The following ZNF880 variants were observed in gnomAD, a reference collection of about 807,000 sequenced individuals.
The protein encoded by ZNF880 is zinc finger protein LOC400713.
Under a neutral mutation model 11.8 loss-of-function variants are expected in ZNF880, and 12 were observed. The observed-to-expected ratio is 1.02, with a 90% CI of 0.65 to 1.65. ZNF880 has a LOEUF of 1.65. ZNF880 is among the 40% of genes most tolerant of loss of function. The probability of loss-of-function intolerance (pLI) is 0.00; values close to 1 mark genes in which losing one functional copy is unlikely to be tolerated. For synonymous variants in ZNF880, 210 were observed against 232.4 expected, an observed-to-expected ratio of 0.90 and a Z score of 0.88; for missense variants, 601 against 673.9, an observed-to-expected ratio of 0.89 and a Z score of 1.20.
intron 3 of ZNF880, among the ~76,000 whole-genome samples, chr19:52,375,973 A>G (rs1439340799): frequency 6.6e-6 from 1 of 152,146 alleles, no homozygotes; most frequent in African/African-American, 2.4e-5. Context: ...CTTCAATTCT[A>G]TCCAGGTTGC....
chr19:52,388,040 C>T (rs537560524), downstream of ZNF880, among the ~76,000 whole-genome samples: 9 of 133,158 alleles, frequency 6.8e-5, no homozygotes, highest in African/African-American at 1.2e-4. Context: ...CCACCACGCC[C>T]GGCTAATTTT....
At position 52,384,928 on chromosome 19, in the gene ZNF880, T is replaced by C; in HGVS notation, c.1348T>C (p.Ser450Pro). The change falls in exon 4 of 4, where the codon TCC becomes CCC. Residue 450 changes from serine to proline, a missense_variant. Around this residue, in one of 3 missense-constraint regions of ZNF880, gnomAD observed 177 missense variants for 214.5 expected, o/e 0.83. Transcript: ENST00000422689. ...TGCCAAGGTCTTCAGGCATAGATTA[T>C]CCCTAAGCAATCATCAGAGATTTCA... ...ECAKVFRHRL[S>P]LSNHQRFHTG... 6.3e-7 allele frequency: 1 copy of C among 1,591,672 alleles called. No individual in the cohort carries two copies. The highest frequency in any genetic ancestry group is 1.1e-5 in the South Asian group (1 of 88,128).
In ZNF880 at chr19:52,385,121, A is replaced by T; in HGVS notation, c.1541A>T (p.His514Leu). 6.4e-7 allele frequency: 1 copy of T among 1,558,360 alleles called. No homozygotes were observed. Residue 514 changes from histidine (H) to leucine (L), a missense_variant, in exon 4 of 4, where the codon CAT becomes CTT. His to Leu is a moderately conservative substitution (Grantham distance 99). Around this residue, in one of 3 missense-constraint regions of ZNF880, gnomAD observed 177 missense variants for 214.5 expected, o/e 0.83. Transcript: ENST00000422689. ...CACCTTGCACGACATAGGCAAATTCATACTGGAGAGAAGTCTTACAAATGC... is the reference window on the plus strand; with the variant it reads ...CACCTTGCACGACATAGGCAAATTCTTACTGGAGAGAAGTCTTACAAATGC... ...NSHLARHRQI[H>L]TGEKSYKCNE...
At chr19:52,395,211 C>A in the ZNF880 span, among the ~76,000 whole-genome samples, 1 of 152,190 alleles carries the variant, frequency 6.6e-6, no homozygotes. Flanking sequence ...CACACCCAGC[C>A]TGTCACTTTT....
upstream of ZNF880, chr19:52,369,866 A>G: frequency 1.4e-6 from 2 of 1,468,700 alleles, no homozygotes; most frequent in South Asian, 2.4e-5. Context: ...AGGGAAGCGC[A>G]GGCTCCGCCC....
intron 1 of ZNF880, chr19:52,370,285 G>C (rs1477471727): frequency 4.7e-6 from 2 of 424,914 alleles, no homozygotes; most frequent in Non-Finnish European, 8.6e-6. Context: ...TCACCCGCGA[G>C]ATGGATCCAC....
At chr19:52,383,732 G>A (rs1198068613) in intron 3 of ZNF880, 117 bp from the exon 4 acceptor site, 3 of 1,088,732 alleles carry the variant, frequency 2.8e-6, no homozygotes, top group South Asian at 1.6e-5. Flanking sequence ...GATACACACA[G>A]TATGCTGATA....
intron 3 of ZNF880, chr19:52,379,893 A>ATTT: frequency 8.9e-6 from 1 of 111,780 alleles, no homozygotes; most frequent in East Asian, 2.5e-4. Context: ...TGTCATACTT[A>ATTT]TTTTTTTTTT....
upstream of ZNF880, among the ~76,000 whole-genome samples, chr19:52,368,872 C>T (rs747170518): frequency 6.8e-6 from 1 of 148,080 alleles, no homozygotes; most frequent in Non-Finnish European, 1.5e-5. Context: ...GTCCCAGCTA[C>T]TTGGGAGGCT....
Position 52,384,165 on chromosome 19 carries a change from GTCTTC to G in ZNF880, c.586_590del (p.Ser196LysfsTer4), listed in dbSNP as rs1568664699. Reference sequence around the variant, plus strand: ...ATGAGCATGGCAAAGCCTTTAGAGTGTCTTCAAGACTTGCTAACAATCAAGTAATC... The same window carrying G: ...ATGAGCATGGCAAAGCCTTTAGAGTGAAGACTTGCTAACAATCAAGTAATC... On this transcript the variant is annotated frameshift_variant, in exon 4 of 4. Coordinates refer to ENST00000422689, the MANE Select transcript of ZNF880 (RefSeq NM_001145434.2). LOFTEE classifies it low-confidence loss of function (END_TRUNC). 2.5e-6 allele frequency: 4 copies of G among 1,608,630 alleles called. No homozygotes were observed. The highest frequency in any genetic ancestry group is 1.3e-5 in the African/African-American group (1 of 74,952).
At chr19:52,372,965 T>G in intron 1 of ZNF880, 146 bp from the exon 2 acceptor site, 1 of 629,424 alleles carries the variant, frequency 1.6e-6, no homozygotes, top group Non-Finnish European at 2.7e-6. Flanking sequence ...GAGAAGTATA[T>G]TAAAACACAA....
intron 3 of ZNF880, among the ~76,000 whole-genome samples, chr19:52,376,420 T>G (rs773314774): frequency 2.0e-5 from 3 of 151,678 alleles, no homozygotes; most frequent in Admixed American, 6.6e-5. Flanking sequence ...ATTAGTGATG[T>G]GGAGTCTTTC....
At position 52,384,830 on chromosome 19, in the gene ZNF880, T is replaced by A; in HGVS notation, c.1250T>A (p.Phe417Tyr). The change falls in exon 4 of 4, where the codon TTT (phenylalanine) becomes TAT (tyrosine). Residue 417 changes from phenylalanine to tyrosine, a missense_variant. This residue lies in a region of ZNF880 where 177 missense variants were observed against 214.5 expected (regional missense o/e 0.83). Transcript: ENST00000422689. ...PYKCNECGKAFRDCSGLTAHL... is the reference protein window; with the variant it reads ...PYKCNECGKAYRDCSGLTAHL... ...AAATGTAATGAATGTGGCAAAGCAT[T>A]TAGAGACTGTTCAGGCCTTACTGCC... 9.0e-7 allele frequency: 1 copy of A among 1,110,720 alleles called. No homozygotes were observed. The highest frequency in any genetic ancestry group is 1.2e-6 in the Non-Finnish European group (1 of 826,212). 68.8% of individuals were successfully genotyped at this position (1,110,720 alleles called of 1,614,324 possible).
intron 3 of ZNF880, among the ~76,000 whole-genome samples, chr19:52,381,867 C>T (rs1440047425): frequency 1.3e-5 from 2 of 152,102 alleles, no homozygotes; most frequent in Non-Finnish European, 2.9e-5. Flanking sequence ...CAACTCTGCT[C>T]TCACTTTCTG....
At chr19:52,388,648 AATG>A (rs1255419461), downstream of ZNF880, among the ~76,000 whole-genome samples, 3 of 152,024 alleles carry the variant, frequency 2.0e-5, no homozygotes, top group South Asian at 2.1e-4. Flanking sequence ...ATATATTGAG[AATG>A]ATGATGCCAT....
At chr19:52,370,036 C>T in intron 1 of ZNF880, 59 bp downstream of exon 1, 1 of 1,548,252 alleles carries the variant, frequency 6.5e-7, no homozygotes, top group Non-Finnish European at 8.7e-7. Context: ...CGCTTCTGTA[C>T]CCGGCATCTC....
In ZNF880 at chr19:52,369,961, C is replaced by T. The variant is rs369052443; in HGVS notation, c.-5C>T. On this transcript the variant is annotated 5_prime_UTR_variant, in exon 1 of 4. In the 5' UTR this introduces an upstream ATG that the reference lacks. Coordinates refer to ENST00000422689, the MANE Select transcript of ZNF880 (RefSeq NM_001145434.2). ...CCCGGAAGCAGATTACGTGGAGTGA[C>T]GGTCATGCTGCGGCGTGTGAGTTTC... 3.7e-5 allele frequency: 58 copies of T among 1,551,642 alleles called. No individual in the cohort carries two copies. In the African/African-American group the frequency reaches 6.6e-4, roughly 18 times the overall value.
Position 52,383,854 on chromosome 19 carries a change from A to G in ZNF880, c.274A>G (p.Ser92Gly). Residue 92 changes from serine (S) to glycine (G), a missense_variant, in exon 4 of 4, where the codon AGC becomes GGC. Around this residue, in one of 3 missense-constraint regions of ZNF880, gnomAD observed 420 missense variants for 442.6 expected, o/e 0.95. Transcript: ENST00000422689. ...ECIKGVNAESSSKLGSNAGNK... is the reference protein window; with the variant it reads ...ECIKGVNAESGSKLGSNAGNK... ...CTTTTTTCTTTCTTTTTTAGAGAGC[A>G]GCTCTAAATTGGGAAGCAATGCCGG... 6.5e-7 allele frequency: 1 copy of G among 1,534,488 alleles called. No homozygotes were observed. The highest frequency in any genetic ancestry group is 8.8e-7 in the Non-Finnish European group (1 of 1,142,604).
rs374952867 is a variant in ZNF880, at chr19:52,369,949, T to A, written c.-17T>A. Reference sequence around the variant, plus strand: ...GTTTCCTGGAGACCCGGAAGCAGATTACGTGGAGTGACGGTCATGCTGCGG... The same window carrying A: ...GTTTCCTGGAGACCCGGAAGCAGATAACGTGGAGTGACGGTCATGCTGCGG... On this transcript the variant is annotated 5_prime_UTR_variant, in exon 1 of 4. Transcript: ENST00000422689. The A allele has an allele frequency of 6.4e-7, 1 of 1,551,634 alleles. No individual in the cohort carries two copies. Among genetic ancestry groups the A allele is most frequent in the South Asian group, 1.2e-5 (1 of 84,054 alleles).
Sources: gnomAD v4.1 joint callset for allele counts (sites outside exome capture counted in the v4.1 genomes callset) on GRCh38, gnomAD v4.1.1 for gene constraint, gnomAD v4.1.1 regional missense constraint, MANE v1.5 for transcripts, NCBI Gene and HGNC (gene_info 2026-07-23, HGNC 2026-07-21) for gene names.